The following DCDC1 variants were observed in gnomAD, a reference collection of about 807,000 sequenced individuals.
DCDC1 encodes the protein doublecortin domain containing 1, also known as doublecortin domain-containing protein 1.
In DCDC1, 200 loss-of-function variants were observed where a neutral mutation model predicts 178.3. The observed-to-expected ratio is 1.12, with a 90% CI of 1.00 to 1.26. The LOEUF is 1.26. Among genes scored for constraint, DCDC1 ranks in the 50% most tolerant of loss-of-function variants. The pLI is 0.00. For missense variants in DCDC1, 1,983 were observed against 1,749.2 expected (o/e 1.13, Z -2.38); for synonymous variants, 690 against 604.8 (o/e 1.14, Z -2.07).
chr11:31,026,509 G>C (rs112616659), intron 20 of DCDC1, among the ~76,000 whole-genome samples: 1,986 of 151,818 alleles, frequency 0.013, 21 homozygotes, highest in Middle Eastern at 0.095. Context: ...CTACACATGA[G>C]AGAACCTGAA....
chr11:30,967,976 C>T (rs1366993539), intron 20 of DCDC1, among the ~76,000 whole-genome samples: 2 of 152,068 alleles, frequency 1.3e-5, no homozygotes, highest in Admixed American at 6.6e-5. Flanking sequence ...AGTAGGAAGT[C>T]CACAAATGTA....
chr11:30,979,848 A>G (rs1354081402), intron 20 of DCDC1, among the ~76,000 whole-genome samples: 2 of 152,222 alleles, frequency 1.3e-5, no homozygotes, highest in African/African-American at 4.8e-5. Context: ...AACTGTTAAA[A>G]TCAGGATGTG....
intron 9 of DCDC1, among the ~76,000 whole-genome samples, chr11:31,193,610 T>A (rs951680945): frequency 1.1e-4 from 17 of 152,020 alleles, no homozygotes; most frequent in Non-Finnish European, 1.9e-4. Context: ...ATTAACAGAG[T>A]GATTGACTCC....
intron 8 of DCDC1, among the ~76,000 whole-genome samples, chr11:31,242,017 C>T (rs886325275): frequency 6.6e-6 from 1 of 151,916 alleles, no homozygotes; most frequent in African/African-American, 2.4e-5. Flanking sequence ...TCTTGTAGAG[C>T]ACTCTATATA....
At chr11:31,045,270 T>A (rs1397499539) in intron 20 of DCDC1, among the ~76,000 whole-genome samples, 2 of 152,132 alleles carry the variant, frequency 1.3e-5, no homozygotes, top group African/African-American at 4.8e-5. Flanking sequence ...GGAATTTAAT[T>A]TTTACTCTTC....
At chr11:30,953,457 C>T (rs1000900143) in intron 20 of DCDC1, among the ~76,000 whole-genome samples, 4 of 151,262 alleles carry the variant, frequency 2.6e-5, no homozygotes, top group Admixed American at 6.6e-5. Flanking sequence ...GAATTATATC[C>T]AAAGATAAAT....
chr11:30,883,790 A>G (rs533934208), intron 36 of DCDC1, among the ~76,000 whole-genome samples: 4 of 152,274 alleles, frequency 2.6e-5, no homozygotes, highest in Admixed American at 2.6e-4. Flanking sequence ...CTCAGAAGAC[A>G]TATCACACAC....
chr11:31,110,804 A>C (rs1041426377), intron 11 of DCDC1, among the ~76,000 whole-genome samples: 1 of 152,180 alleles, frequency 6.6e-6, no homozygotes, highest in Non-Finnish European at 1.5e-5. Flanking sequence ...TTTGGTTTAT[A>C]CTTAAATATA....
In DCDC1 at chr11:31,290,699, C is replaced by A. The variant is rs529307605; in HGVS notation, c.908G>T (p.Gly303Val). 1 of 1,613,380 alleles carries A rather than the reference C, an allele frequency of 6.2e-7. No individual in the cohort carries two copies. Among genetic ancestry groups the A allele is most frequent in the South Asian group, 1.1e-5 (1 of 91,036 alleles). The change falls in exon 7 of 39, where the codon GGC becomes GTC. Residue 303 changes from glycine (G) to valine (V), a missense_variant. Coordinates refer to ENST00000684477, the MANE Select transcript of DCDC1 (RefSeq NM_001387274.1). ...TSVRILFFKN[G>V]MGQDGHEITV... The stretch of plus-strand genomic sequence containing the variant: ...AATCTCATGCCCATCCTGCCCCATG[C>A]CATTCTTAAAGAACAGAATTCGGAC...
At chr11:31,089,866 C>A (rs528313373) in intron 17 of DCDC1, among the ~76,000 whole-genome samples, 8 of 152,240 alleles carry the variant, frequency 5.3e-5, no homozygotes, top group African/African-American at 1.7e-4. Context: ...AAAACAGCTG[C>A]TTTAATGTCC....
intron 9 of DCDC1, among the ~76,000 whole-genome samples, chr11:31,182,444 A>C (rs1968933067): frequency 6.6e-6 from 1 of 152,198 alleles, no homozygotes; most frequent in South Asian, 2.1e-4. Flanking sequence ...AAAGGAAATA[A>C]TTTTCAACCC....
At chr11:30,935,788 G>A (rs1431326737) in intron 21 of DCDC1, among the ~76,000 whole-genome samples, 4 of 152,068 alleles carry the variant, frequency 2.6e-5, no homozygotes, top group African/African-American at 9.7e-5. Flanking sequence ...TCCTGACCTC[G>A]TGATCCGCCC....
chr11:30,883,977 T>C (rs1309876753), intron 36 of DCDC1, among the ~76,000 whole-genome samples: 4 of 148,514 alleles, frequency 2.7e-5, no homozygotes, highest in African/African-American at 7.5e-5. Context: ...AAAAAAAATG[T>C]GAAACGACCA....
intron 9 of DCDC1, among the ~76,000 whole-genome samples, chr11:31,172,989 C>T (rs1967452157): frequency 6.6e-6 from 1 of 152,114 alleles, no homozygotes; most frequent in African/African-American, 2.4e-5. Flanking sequence ...TAAATAGATT[C>T]ATAGACTCAT....
rs77723814 is a variant in DCDC1, at chr11:31,260,276, C to T, written c.1054+5231G>A. Among the ~76,000 whole-genome samples the T allele has an allele frequency of 7.3e-3, 1,114 of 152,286 alleles. 6 individuals carry two copies. The highest frequency in any genetic ancestry group is 0.012 in the Non-Finnish European group (828 of 68,010). Reference sequence around the variant, plus strand: ...AATAATTTGATCTTGAAATTTGCTTCTGTGTGGACTTTAAAATTTTGGATT... The same window carrying T: ...AATAATTTGATCTTGAAATTTGCTTTTGTGTGGACTTTAAAATTTTGGATT... On this transcript the variant is annotated intron_variant, in intron 8 of 38. Coordinates refer to ENST00000684477, the MANE Select transcript of DCDC1 (RefSeq NM_001387274.1).
chr11:30,900,878 T>A (rs1439696322), intron 32 of DCDC1, among the ~76,000 whole-genome samples: 2 of 152,110 alleles, frequency 1.3e-5, no homozygotes, highest in Non-Finnish European at 2.9e-5. Context: ...ATATTTTAAA[T>A]GAATAATAAT....
At chr11:31,314,562 AG>A (rs2137692607) in intron 3 of DCDC1, 1 of 152,352 alleles carries the variant, frequency 6.6e-6, no homozygotes, top group East Asian at 1.9e-4. Flanking sequence ...TCTGATGCTC[AG>A]GGTCCTCTTC....
intron 18 of DCDC1, among the ~76,000 whole-genome samples, chr11:31,065,785 C>T (rs1230379954): frequency 6.6e-6 from 1 of 152,100 alleles, no homozygotes; most frequent in Non-Finnish European, 1.5e-5. Context: ...CTTTAATTAG[C>T]CACCCATTGT....
At chr11:31,146,619 C>CA (rs1964485127) in intron 9 of DCDC1, among the ~76,000 whole-genome samples, 1 of 152,188 alleles carries the variant, frequency 6.6e-6, no homozygotes, top group Admixed American at 6.5e-5. Flanking sequence ...CTGGATGCCC[C>CA]ACTGGCCTGC....
Sources: gnomAD v4.1 joint callset for allele counts (sites outside exome capture counted in the v4.1 genomes callset) on GRCh38, gnomAD v4.1.1 for gene constraint, MANE v1.5 for transcripts, NCBI Gene and HGNC (gene_info 2026-07-23, HGNC 2026-07-21) for gene names.